GTF2F2: variants seen among roughly 807,000 people sequenced by gnomAD.
GTF2F2 encodes general transcription factor IIF subunit 2.
In GTF2F2, 23 loss-of-function variants were observed where a neutral mutation model predicts 42.2. That is an observed-to-expected ratio of 0.55 (90% CI 0.39 to 0.77). GTF2F2 has a LOEUF of 0.77. GTF2F2 is among the 30% of genes least tolerant of loss of function. The probability of loss-of-function intolerance (pLI) is 0.00; values close to 1 mark genes in which losing one functional copy is unlikely to be tolerated. For synonymous variants in GTF2F2, 105 were observed against 100.8 expected (o/e 1.04, Z -0.25); for missense variants, 261 against 287.2 (o/e 0.91, Z 0.66).
At chr13:45,158,364 C>A (rs1276750539) in intron 4 of GTF2F2, among the ~76,000 whole-genome samples, 1 of 152,158 alleles carries the variant, frequency 6.6e-6, no homozygotes, top group African/African-American at 2.4e-5. Flanking sequence ...GCCTCCCCAG[C>A]CATGTGGAAC....
At chr13:45,274,116 A>G (rs1876920059) in intron 7 of GTF2F2, among the ~76,000 whole-genome samples, 1 of 152,144 alleles carries the variant, frequency 6.6e-6, no homozygotes. Flanking sequence ...TTGCAGCATT[A>G]CAGAGCCATT....
intron 4 of GTF2F2, among the ~76,000 whole-genome samples, chr13:45,180,972 C>G (rs1872127411): frequency 6.6e-6 from 1 of 151,174 alleles, no homozygotes; most frequent in Admixed American, 6.6e-5. Context: ...GACCAGCCTG[C>G]CAGCACAGTG....
intron 6 of GTF2F2, among the ~76,000 whole-genome samples, chr13:45,263,453 C>T (rs1876429998): frequency 6.6e-6 from 1 of 152,086 alleles, no homozygotes; most frequent in East Asian, 1.9e-4. Flanking sequence ...TGGTCTTGAT[C>T]TCCTGACCTC....
At chr13:45,159,425 A>G (rs1158522462) in intron 4 of GTF2F2, among the ~76,000 whole-genome samples, 2 of 152,194 alleles carry the variant, frequency 1.3e-5, no homozygotes, top group African/African-American at 4.8e-5. Flanking sequence ...CAGTCTTACT[A>G]TGTTGCCAAG....
intron 4 of GTF2F2, among the ~76,000 whole-genome samples, chr13:45,166,585 T>TAA (rs1163546395): frequency 6.6e-6 from 1 of 152,200 alleles, no homozygotes; most frequent in Non-Finnish European, 1.5e-5. Context: ...TGCATCAAGT[T>TAA]AAAGTTAACA....
intron 2 of GTF2F2, among the ~76,000 whole-genome samples, chr13:45,139,821 T>A (rs1270050445): frequency 6.6e-6 from 1 of 152,182 alleles, no homozygotes; most frequent in Non-Finnish European, 1.5e-5. Context: ...GTTCTAAAGT[T>A]AGGTGGGGAC....
intron 5 of GTF2F2, among the ~76,000 whole-genome samples, chr13:45,209,443 T>A (rs1003158389): frequency 6.6e-6 from 1 of 152,242 alleles, no homozygotes; most frequent in Non-Finnish European, 1.5e-5. Flanking sequence ...TAATCTTTAC[T>A]TAAGTGACTT....
intron 1 of GTF2F2, among the ~76,000 whole-genome samples, chr13:45,125,145 CA>C (rs1197133322): frequency 3.3e-5 from 5 of 152,294 alleles, no homozygotes; most frequent in African/African-American, 1.2e-4. Context: ...TTTTGCAAAG[CA>C]AACCGGTAAA....
At chr13:45,181,269 T>C (rs1198161140) in intron 4 of GTF2F2, among the ~76,000 whole-genome samples, 1 of 151,546 alleles carries the variant, frequency 6.6e-6, no homozygotes, top group African/African-American at 2.4e-5. Context: ...CTCCCTCTCT[T>C]CTTCTTCTTG....
At chr13:45,164,396 G>A (rs1299332780) in intron 4 of GTF2F2, among the ~76,000 whole-genome samples, 1 of 152,028 alleles carries the variant, frequency 6.6e-6, no homozygotes, top group Non-Finnish European at 1.5e-5. Flanking sequence ...TTTTTAAAAA[G>A]CAATAAAACA....
intron 7 of GTF2F2, among the ~76,000 whole-genome samples, chr13:45,273,326 T>C (rs1876883016): frequency 6.6e-6 from 1 of 152,108 alleles, no homozygotes; most frequent in South Asian, 2.1e-4. Context: ...TCCTCCTGCC[T>C]CAGCCTCCAG....
intron 7 of GTF2F2, among the ~76,000 whole-genome samples, 164 bp from the exon 8 acceptor site, chr13:45,283,278 G>C (rs1877337462): frequency 1.3e-5 from 2 of 152,160 alleles, no homozygotes. Flanking sequence ...CGCACATGTA[G>C]AATCAAAAGG....
chr13:45,187,626 C>G (rs1278187963), intron 4 of GTF2F2, among the ~76,000 whole-genome samples: 1 of 152,178 alleles, frequency 6.6e-6, no homozygotes, highest in East Asian at 1.9e-4. Flanking sequence ...TTGACAGAAA[C>G]AAATTAATTG....
intron 4 of GTF2F2, among the ~76,000 whole-genome samples, chr13:45,153,159 G>GC (rs1870580195): frequency 6.6e-6 from 1 of 151,438 alleles, no homozygotes; most frequent in Non-Finnish European, 1.5e-5. Context: ...ACAGGTGCCC[G>GC]CCACCATGCC....
chr13:45,187,581 C>G (rs560999478), intron 4 of GTF2F2, among the ~76,000 whole-genome samples: 97 of 152,294 alleles, frequency 6.4e-4, no homozygotes, highest in Non-Finnish European at 1.2e-3. Context: ...CTCTGTCCAG[C>G]CTATTTTCCT....
chr13:45,178,551 T>A (rs997275155), intron 4 of GTF2F2, among the ~76,000 whole-genome samples: 4 of 152,044 alleles, frequency 2.6e-5, no homozygotes, highest in Non-Finnish European at 5.9e-5. Flanking sequence ...GGAATCTAGT[T>A]TCAAAGCTTC....
intron 1 of GTF2F2, among the ~76,000 whole-genome samples, chr13:45,127,814 G>A (rs1283241680): frequency 6.6e-6 from 1 of 151,556 alleles, no homozygotes; most frequent in Non-Finnish European, 1.5e-5. Context: ...TGTATTTTTG[G>A]TAGAGACGGG....
At chr13:45,144,693 G>A (rs932353779) in intron 2 of GTF2F2, among the ~76,000 whole-genome samples, 3 of 151,536 alleles carry the variant, frequency 2.0e-5, no homozygotes, top group Admixed American at 6.6e-5. Context: ...CACCCGCCTC[G>A]GCCTCCCAAA....
At chr13:45,165,806 C>CTTTTTTT (rs5803286) in intron 4 of GTF2F2, among the ~76,000 whole-genome samples, 11 of 88,898 alleles carry the variant, frequency 1.2e-4, no homozygotes, top group Non-Finnish European at 2.0e-4. Context: ...TCAGTACATT[C>CTTTTTTT]TTTTTTTTTT....
Sources: allele counts gnomAD v4.1 joint callset (sites outside exome capture counted in the v4.1 genomes callset), GRCh38; gene constraint gnomAD v4.1.1; transcripts MANE v1.5; gene names NCBI Gene and HGNC (gene_info 2026-07-23, HGNC 2026-07-21).